ADAM12: variants seen among roughly 807,000 people sequenced by gnomAD.
ADAM12 encodes disintegrin and metalloproteinase domain-containing protein 12.
ADAM12 carries 70 observed loss-of-function variants against 106.4 expected under a neutral mutation model. The observed-to-expected ratio is 0.66, with a 90% CI of 0.54 to 0.80. ADAM12 has a LOEUF of 0.80. Ranked by LOEUF, ADAM12 falls within the 30% of genes least tolerant of loss-of-function variation. ADAM12 has a pLI of 0.00. For synonymous variants in ADAM12, 420 were observed against 433.5 expected, an observed-to-expected ratio of 0.97 and a Z score of 0.39; for missense variants, 1,010 against 1,171.9, an observed-to-expected ratio of 0.86 and a Z score of 2.02.
chr10:126,191,400 G>A (rs907220253), intron 3 of ADAM12, among the ~76,000 whole-genome samples: 1 of 152,070 alleles, frequency 6.6e-6, no homozygotes, highest in African/African-American at 2.4e-5. Context: ...GCAGCAGGAG[G>A]GGAAGCCTGG....
chr10:126,292,765 C>G (rs1266897601), intron 2 of ADAM12, among the ~76,000 whole-genome samples: 1 of 152,194 alleles, frequency 6.6e-6, no homozygotes, highest in Non-Finnish European at 1.5e-5. Flanking sequence ...TCCAGTCAAA[C>G]TTTATTGATG....
At chr10:126,102,038 G>C (rs1167377286) in intron 8 of ADAM12, among the ~76,000 whole-genome samples, 1 of 152,096 alleles carries the variant, frequency 6.6e-6, no homozygotes, top group Non-Finnish European at 1.5e-5. Flanking sequence ...GCCCATACCT[G>C]ACTACACCTA....
At chr10:126,319,316 G>A (rs776804577) in intron 2 of ADAM12, among the ~76,000 whole-genome samples, 1 of 152,162 alleles carries the variant, frequency 6.6e-6, no homozygotes, top group Non-Finnish European at 1.5e-5. Context: ...AAGGAGCTTT[G>A]TAAGTGGAGA....
intron 11 of ADAM12, among the ~76,000 whole-genome samples, chr10:126,086,506 T>G (rs922575355): frequency 6.8e-6 from 1 of 148,088 alleles, no homozygotes; most frequent in Non-Finnish European, 1.5e-5. Flanking sequence ...TAAAACCCCA[T>G]CTCCACTAAA....
chr10:126,228,267 A>T (rs552862594), intron 3 of ADAM12, among the ~76,000 whole-genome samples: 1 of 152,334 alleles, frequency 6.6e-6, no homozygotes, highest in South Asian at 2.1e-4. Context: ...AAGGCTTAAC[A>T]CTTGGAATGT....
Position 126,058,134 on chromosome 10 carries a change from G to C in ADAM12, c.1609+6672C>G, listed in dbSNP as rs568054476. On this transcript the variant is annotated intron_variant, in intron 14 of 22. Transcript: ENST00000448723. ...TGCCCCCAGCTTTGCCATGGAGGCA[G>C]GGATTGGCCCTCCTTTCCCTCCTCC... 1.4e-4 allele frequency among the ~76,000 whole-genome samples: 22 copies of C among 152,326 alleles called. 1 individual carries two copies. The highest frequency in any genetic ancestry group is 5.1e-4 in the African/African-American group (21 of 41,578).
intron 11 of ADAM12, among the ~76,000 whole-genome samples, chr10:126,081,961 G>A (rs1408387917): frequency 6.6e-6 from 1 of 152,222 alleles, no homozygotes; most frequent in Non-Finnish European, 1.5e-5. Context: ...TTGAGAGCAA[G>A]ATGATTCAGG....
chr10:126,032,305 C>T (rs1368240775), intron 21 of ADAM12, among the ~76,000 whole-genome samples: 3 of 152,170 alleles, frequency 2.0e-5, no homozygotes, highest in African/African-American at 7.2e-5. Flanking sequence ...TTCTCCACAC[C>T]TGCATGGAAT....
intron 5 of ADAM12, among the ~76,000 whole-genome samples, chr10:126,123,265 G>A (rs73378677): frequency 0.018 from 2,705 of 152,348 alleles, 80 homozygotes; most frequent in African/African-American, 0.062. Context: ...CCCTGAGTTA[G>A]ATAAGTGAAT....
At chr10:126,347,382 G>C (rs1855184568) in intron 1 of ADAM12, among the ~76,000 whole-genome samples, 1 of 152,190 alleles carries the variant, frequency 6.6e-6, no homozygotes, top group Non-Finnish European at 1.5e-5. Flanking sequence ...AGTTTCTGCT[G>C]AGAGATCAGC....
In ADAM12 at chr10:126,077,547, C is replaced by T. The variant is rs142171328; in HGVS notation, c.1146-5893G>A. On this transcript the variant is annotated intron_variant, in intron 11 of 22. Coordinates refer to ENST00000448723, the MANE Select transcript of ADAM12 (RefSeq NM_001288973.2). The stretch of plus-strand genomic sequence containing the variant: ...CATGGTAGTGGTACAAAAACAGACA[C>T]ATAGACCAATGGAACAGAATAGAGA... Among the ~76,000 whole-genome samples, 243 of 152,166 alleles carry T rather than the reference C, an allele frequency of 1.6e-3. 1 individual carries two copies. The Middle Eastern group carries it at 0.017, about 11-fold the overall frequency.
chr10:126,354,105 T>A (rs770157110), intron 1 of ADAM12, among the ~76,000 whole-genome samples: 9 of 151,950 alleles, frequency 5.9e-5, no homozygotes, highest in Non-Finnish European at 1.3e-4. Flanking sequence ...TGATACTTCA[T>A]CCTCCCTCCA....
intron 3 of ADAM12, among the ~76,000 whole-genome samples, chr10:126,175,161 C>A (rs1957197028): frequency 6.6e-6 from 1 of 152,186 alleles, no homozygotes; most frequent in South Asian, 2.1e-4. Flanking sequence ...TTCACAAGGA[C>A]CTGCAGCCAA....
intron 1 of ADAM12, among the ~76,000 whole-genome samples, chr10:126,372,658 G>C (rs1458818964): frequency 6.6e-6 from 1 of 152,218 alleles, no homozygotes; most frequent in African/African-American, 2.4e-5. Flanking sequence ...GTCCATAAGA[G>C]AAGCAGATGC....
At chr10:126,054,964 T>C (rs548418932) in intron 14 of ADAM12, among the ~76,000 whole-genome samples, 1 of 152,098 alleles carries the variant, frequency 6.6e-6, no homozygotes, top group African/African-American at 2.4e-5. Flanking sequence ...GGGCTTTACA[T>C]CCATCTCCCT....
chr10:126,288,678 C>T (rs973797771), intron 2 of ADAM12, among the ~76,000 whole-genome samples: 16 of 148,092 alleles, frequency 1.1e-4, no homozygotes, highest in Admixed American at 2.0e-4. Context: ...CAGGATCATG[C>T]GGTGACGTGG....
intron 2 of ADAM12, among the ~76,000 whole-genome samples, chr10:126,300,826 C>T (rs1960588685): frequency 6.6e-6 from 1 of 152,218 alleles, no homozygotes; most frequent in Non-Finnish European, 1.5e-5. Context: ...CACAGATTAA[C>T]ATTGCCGGAG....
chr10:126,226,122 T>C (rs921773258), intron 3 of ADAM12, among the ~76,000 whole-genome samples: 3 of 138,906 alleles, frequency 2.2e-5, no homozygotes, highest in Non-Finnish European at 3.0e-5. Flanking sequence ...ATGGTACAGA[T>C]GGGTTAAAGG....
At chr10:126,042,057 A>G in intron 18 of ADAM12, 1 of 1,560,722 alleles carries the variant, frequency 6.4e-7, no homozygotes, top group East Asian at 2.3e-5. Context: ...CAATGCTGCC[A>G]GTCACAGGAG....
Sources: gnomAD v4.1 joint callset for allele counts (sites outside exome capture counted in the v4.1 genomes callset) on GRCh38, gnomAD v4.1.1 for gene constraint, MANE v1.5 for transcripts, NCBI Gene and HGNC (gene_info 2026-07-23, HGNC 2026-07-21) for gene names.